The following PCLO variants were observed in gnomAD, a reference collection of about 807,000 sequenced individuals.
PCLO encodes the protein piccolo presynaptic cytomatrix protein.
A neutral mutation model predicts 427.5 loss-of-function variants in PCLO; 82 were observed. The observed-to-expected ratio is 0.19, with a 90% CI of 0.16 to 0.23. The LOEUF (loss-of-function observed/expected upper bound fraction) is 0.23. PCLO is among the 10% of genes least tolerant of loss of function. PCLO has a pLI of 1.00. For synonymous variants in PCLO, 2,357 were observed against 2,155.4 expected, an observed-to-expected ratio of 1.09 and a Z score of -2.59; for missense variants, 6,239 against 6,115.9, an observed-to-expected ratio of 1.02 and a Z score of -0.67.
rs1274891658 is a variant in PCLO at position 82,952,243 on chromosome 7, T to C, written c.8710A>G (p.Lys2904Glu). 1.2e-6 allele frequency: 2 copies of C among 1,613,924 alleles called. No individual in the cohort carries two copies. The highest frequency in any genetic ancestry group is 1.7e-5 in the Admixed American group (1 of 60,012). Reference protein sequence around the residue: ...DGEVVDLSTTKSHRTVVTMDE... With the variant: ...DGEVVDLSTTESHRTVVTMDE... ...ATTGTTACGACTGTTCTGTGAGACTTGGTTGTACTGAGATCCACTACTTCC... is the reference window on the plus strand; with the variant it reads ...ATTGTTACGACTGTTCTGTGAGACTCGGTTGTACTGAGATCCACTACTTCC... Residue 2904 changes from lysine (K) to glutamate (E), a missense_variant, in exon 5 of 25, where the codon AAG (lysine) becomes GAG (glutamate). Physicochemically the swap from Lys to Glu is moderately conservative, Grantham distance 56. This residue lies in a region of PCLO where 4,677 missense variants were observed against 4,468.4 expected (regional missense o/e 1.05). Transcript: ENST00000333891.
chr7:83,006,983 G>A (rs934868912), intron 3 of PCLO, among the ~76,000 whole-genome samples: 2 of 151,182 alleles, frequency 1.3e-5, no homozygotes, highest in African/African-American at 4.8e-5. Context: ...TATTTATTAC[G>A]TTAATTTACT....
At chr7:83,078,282 G>A (rs1790006786) in intron 3 of PCLO, among the ~76,000 whole-genome samples, 1 of 152,174 alleles carries the variant, frequency 6.6e-6, no homozygotes, top group Non-Finnish European at 1.5e-5. Context: ...CTCTCAAGGA[G>A]TTATTTTCAA....
rs866848354 is a variant in PCLO at position 83,160,217 on chromosome 7, C to T, written c.248+2128G>A. Among the ~76,000 whole-genome samples, 86 of 152,194 alleles carry T rather than the reference C, an allele frequency of 5.7e-4. 1 individual carries two copies. The highest frequency in any genetic ancestry group is 3.4e-3 in the Middle Eastern group (1 of 294). Reference sequence around the variant, plus strand: ...AGGTATTAGTAGCCTTATTTAAAGGCAAGGAACATGAGACACATTGATTGA... The same window carrying T: ...AGGTATTAGTAGCCTTATTTAAAGGTAAGGAACATGAGACACATTGATTGA... On this transcript the variant is annotated intron_variant, in intron 1 of 24. Transcript: ENST00000333891.
At position 82,764,893 on chromosome 7, in the gene PCLO, A is replaced by C. The variant is rs1428609527; in HGVS notation, c.15008-3400T>G. 2.6e-5 allele frequency among the ~76,000 whole-genome samples: 4 copies of C among 152,038 alleles called. No individual in the cohort carries two copies. In the East Asian group the frequency reaches 7.7e-4, roughly 29 times the overall value. On this transcript the variant is annotated intron_variant, in intron 22 of 24. Transcript: ENST00000333891. ...GGCAAGTGAACTAAAAAACTAGATA[A>C]AATATTGAGACACTATAATCAATAA...
chr7:83,075,019 AAC>A (rs1562951385), intron 3 of PCLO, among the ~76,000 whole-genome samples: 1 of 152,096 alleles, frequency 6.6e-6, no homozygotes, highest in Admixed American at 6.5e-5. Flanking sequence ...CAATCCAATA[AAC>A]AGTTGAATAA....
intron 10 of PCLO, among the ~76,000 whole-genome samples, chr7:82,859,122 C>A (rs566770235): frequency 6.6e-6 from 1 of 152,186 alleles, no homozygotes; most frequent in Non-Finnish European, 1.5e-5. Context: ...AGATTTTTGA[C>A]TCTGGTTCCT....
At chr7:82,802,096 G>C (rs1264432211) in intron 21 of PCLO, among the ~76,000 whole-genome samples, 1 of 150,466 alleles carries the variant, frequency 6.6e-6, no homozygotes, top group Non-Finnish European at 1.5e-5. Context: ...TCCTTTCTGT[G>C]TTTTCCACTG....
At chr7:82,879,622 T>C (rs2371366) in intron 9 of PCLO, among the ~76,000 whole-genome samples, 160 bp from the exon 10 acceptor site, 132,339 of 152,160 alleles carry the variant, frequency 0.87, 57,932 homozygotes, top group African/African-American at 0.93. Context: ...ATTCTGATTT[T>C]GATAATATAA....
chr7:82,820,194 G>A (rs1273819030), intron 20 of PCLO, among the ~76,000 whole-genome samples: 3 of 152,300 alleles, frequency 2.0e-5, no homozygotes, highest in East Asian at 3.9e-4. Context: ...TAGATCAGAC[G>A]TGGGAGAGAG....
chr7:83,120,631 T>C (rs1192702737), intron 3 of PCLO, among the ~76,000 whole-genome samples: 1 of 151,916 alleles, frequency 6.6e-6, no homozygotes, highest in Non-Finnish European at 1.5e-5. Context: ...TGAGCTCCAA[T>C]ACATCTGGCA....
intron 22 of PCLO, among the ~76,000 whole-genome samples, chr7:82,793,891 CA>C (rs1480494666): frequency 6.6e-6 from 1 of 152,132 alleles, no homozygotes; most frequent in Non-Finnish European, 1.5e-5. Flanking sequence ...AGCATATCTT[CA>C]AGGAGCTTCC....
At chr7:82,994,844 A>T (rs1796460068) in intron 3 of PCLO, among the ~76,000 whole-genome samples, 1 of 152,018 alleles carries the variant, frequency 6.6e-6, no homozygotes, top group African/African-American at 2.4e-5. Context: ...TAATTTGAGA[A>T]AGAAAGTACA....
At chr7:82,814,716 C>T (rs895651360) in intron 20 of PCLO, among the ~76,000 whole-genome samples, 3 of 151,728 alleles carry the variant, frequency 2.0e-5, no homozygotes, top group Non-Finnish European at 4.4e-5. Context: ...AACATGACAC[C>T]TTATGTAGCT....
intron 11 of PCLO, 54 bp from the exon 12 acceptor site, chr7:82,846,688 A>C (rs1446209550): frequency 2.4e-6 from 3 of 1,264,490 alleles, no homozygotes; most frequent in African/African-American, 3.0e-5. Flanking sequence ...TGAGACAAAG[A>C]GCACTTTTTT....
At chr7:82,826,063 T>C (rs1242883870) in intron 18 of PCLO, among the ~76,000 whole-genome samples, 3 of 151,328 alleles carry the variant, frequency 2.0e-5, no homozygotes, top group African/African-American at 7.3e-5. Context: ...ATTTATGGGG[T>C]ATATGAGATA....
intron 22 of PCLO, among the ~76,000 whole-genome samples, chr7:82,781,287 CTTGT>C (rs1354368080): frequency 3.3e-5 from 5 of 151,786 alleles, no homozygotes; most frequent in Non-Finnish European, 4.4e-5. Flanking sequence ...ACTGCCATTT[CTTGT>C]TTATTTCTTC....
intron 9 of PCLO, among the ~76,000 whole-genome samples, chr7:82,881,960 T>C (rs1265745682): frequency 6.6e-6 from 1 of 152,142 alleles, no homozygotes; most frequent in African/African-American, 2.4e-5. Context: ...GTTTCTCATG[T>C]AGACAATTAA....
intron 10 of PCLO, among the ~76,000 whole-genome samples, chr7:82,860,968 C>T (rs543025813): frequency 1.1e-3 from 174 of 151,382 alleles, no homozygotes; most frequent in Non-Finnish European, 1.7e-3. Context: ...ATGATATATA[C>T]GCAAAAAATA....
Position 83,003,036 on chromosome 7 carries a change from G to A in PCLO, c.3301-36549C>T, listed in dbSNP as rs116902847. Among the ~76,000 whole-genome samples the A allele has an allele frequency of 8.3e-3, 1,256 of 151,314 alleles. 13 individuals carry two copies. The highest frequency in any genetic ancestry group is 0.013 in the Non-Finnish European group (850 of 67,658). On this transcript the variant is annotated intron_variant, in intron 3 of 24. Coordinates refer to ENST00000333891, the MANE Select transcript of PCLO (RefSeq NM_033026.6). ...CATATACCTTAATGGAAATATATCT[G>A]AAAGATCATATCTTCACATTTTAAG...
Sources: allele counts gnomAD v4.1 joint callset (sites outside exome capture counted in the v4.1 genomes callset), GRCh38; gene constraint gnomAD v4.1.1; regional missense constraint gnomAD v4.1.1; transcripts MANE v1.5; gene names NCBI Gene and HGNC (gene_info 2026-07-23, HGNC 2026-07-21).